SLC4A10: variants seen among roughly 807,000 people sequenced by gnomAD.
SLC4A10 encodes the protein solute carrier family 4 member 10.
A neutral mutation model predicts 137.7 loss-of-function variants in SLC4A10; 42 were observed. The ratio of observed to expected loss-of-function variants is 0.30; its 90% CI spans 0.24 to 0.39. The LOEUF is 0.39. Among genes scored for constraint, SLC4A10 ranks in the 10% least tolerant of loss-of-function variants. SLC4A10 has a pLI of 1.00. For synonymous variants in SLC4A10, 474 were observed against 464.1 expected (o/e 1.02, Z -0.27); for missense variants, 925 against 1,355.0 (o/e 0.68, Z 4.98).
chr2:161,941,404 T>C (rs1305355872), intron 15 of SLC4A10, among the ~76,000 whole-genome samples: 1 of 152,150 alleles, frequency 6.6e-6, no homozygotes, highest in East Asian at 1.9e-4. Flanking sequence ...TGGTTTAGCA[T>C]ACATATTCAA....
intron 12 of SLC4A10, among the ~76,000 whole-genome samples, chr2:161,901,725 T>G (rs1012669741): frequency 2.0e-5 from 3 of 152,110 alleles, no homozygotes; most frequent in African/African-American, 7.2e-5. Context: ...AAGCTGACTT[T>G]CCAGTTCCTG....
At chr2:161,917,920 TAAAAATCGAACTGAGACTC>T (rs1303858344) in intron 15 of SLC4A10, among the ~76,000 whole-genome samples, 1 of 152,176 alleles carries the variant, frequency 6.6e-6, no homozygotes, top group Non-Finnish European at 1.5e-5. Flanking sequence ...TACTCAGAGC[TAAAAATCGAACTGAGACTC>T]AGAAAGCTTT....
intron 19 of SLC4A10, among the ~76,000 whole-genome samples, chr2:161,955,002 C>T (rs1279266820): frequency 2.0e-5 from 3 of 152,168 alleles, no homozygotes; most frequent in Non-Finnish European, 4.4e-5. Context: ...GGCCCCCTGT[C>T]TTCTGCCCTC....
intron 15 of SLC4A10, among the ~76,000 whole-genome samples, chr2:161,936,955 A>G (rs1691687443): frequency 6.6e-6 from 1 of 152,084 alleles, no homozygotes; most frequent in African/African-American, 2.4e-5. Context: ...TTTTTGATGT[A>G]AGTGTTTATT....
At chr2:161,763,904 GATAA>G (rs2050527453) in intron 1 of SLC4A10, among the ~76,000 whole-genome samples, 1 of 152,114 alleles carries the variant, frequency 6.6e-6, no homozygotes, top group Non-Finnish European at 1.5e-5. Context: ...AAAATGATAT[GATAA>G]ATAAAGCAGG....
At chr2:161,827,012 T>C (rs960457831) in intron 3 of SLC4A10, among the ~76,000 whole-genome samples, 13 of 152,226 alleles carry the variant, frequency 8.5e-5, no homozygotes, top group African/African-American at 3.1e-4. Flanking sequence ...AGGCTTTTTT[T>C]CTGTTTATAT....
rs1438038182 is a variant in SLC4A10, at chr2:161,940,891, C to T, written c.1998-1901C>T. 3.3e-5 allele frequency among the ~76,000 whole-genome samples: 5 copies of T among 152,016 alleles called. No individual in the cohort carries two copies. In the East Asian group the frequency reaches 5.8e-4, roughly 18 times the overall value. ...GGCTGAGGTGGGAGGATTACTTGAG[C>T]GCAGGAGTTTGAGATTAGCCTGGGC... On this transcript the variant is annotated intron_variant, in intron 15 of 26. Transcript: ENST00000446997.
intron 1 of SLC4A10, among the ~76,000 whole-genome samples, chr2:161,742,107 C>T (rs2047954906): frequency 6.6e-6 from 1 of 152,176 alleles, no homozygotes; most frequent in Non-Finnish European, 1.5e-5. Flanking sequence ...GCTTATTTCA[C>T]TTAACAATGT....
chr2:161,918,669 T>A (rs1687571064), intron 15 of SLC4A10, among the ~76,000 whole-genome samples: 1 of 152,160 alleles, frequency 6.6e-6, no homozygotes, highest in East Asian at 1.9e-4. Flanking sequence ...TTTTTCTGCA[T>A]CACATTGAAG....
At chr2:161,877,787 A>G (rs560762278) in intron 8 of SLC4A10, among the ~76,000 whole-genome samples, 4 of 152,154 alleles carry the variant, frequency 2.6e-5, no homozygotes, top group Admixed American at 2.6e-4. Context: ...TTTTATAGGC[A>G]GTTTTGCTTT....
intron 3 of SLC4A10, among the ~76,000 whole-genome samples, chr2:161,815,131 G>T (rs921935202): frequency 1.3e-5 from 2 of 152,072 alleles, no homozygotes; most frequent in African/African-American, 2.4e-5. Flanking sequence ...GACCTCTTGA[G>T]TCAGGACCTG....
chr2:161,740,916 G>A (rs974583611), intron 1 of SLC4A10, among the ~76,000 whole-genome samples: 3 of 151,964 alleles, frequency 2.0e-5, no homozygotes, highest in Admixed American at 6.6e-5. Context: ...TGCTTACTAC[G>A]GTCAAGCAAA....
intron 1 of SLC4A10, among the ~76,000 whole-genome samples, chr2:161,733,824 T>C (rs1055445409): frequency 6.6e-6 from 1 of 152,184 alleles, no homozygotes; most frequent in Non-Finnish European, 1.5e-5. Flanking sequence ...TGCCCAAGAC[T>C]ATGGGAACCT....
At chr2:161,751,049 C>T (rs186185195) in intron 1 of SLC4A10, among the ~76,000 whole-genome samples, 17 of 151,900 alleles carry the variant, frequency 1.1e-4, no homozygotes, top group Middle Eastern at 3.4e-3. Context: ...TTTCCTTTGG[C>T]TACCATTTGC....
intron 1 of SLC4A10, among the ~76,000 whole-genome samples, chr2:161,754,105 G>A (rs931403648): frequency 6.6e-6 from 1 of 151,802 alleles, no homozygotes; most frequent in African/African-American, 2.4e-5. Context: ...TGGCCCCGGG[G>A]TTTGGCTAGG....
intron 16 of SLC4A10, 64 bp downstream of exon 16, chr2:161,942,961 T>C (rs1692998263): frequency 7.6e-7 from 1 of 1,318,954 alleles, no homozygotes; most frequent in Non-Finnish European, 1.1e-6. Context: ...GACTCAATTA[T>C]TGCCATTACA....
rs764780125 is a variant in SLC4A10, at chr2:161,839,946, G to C, written c.416+19G>C. The C allele has an allele frequency of 3.7e-6, 6 of 1,613,192 alleles. No homozygotes were observed. The stretch of plus-strand genomic sequence containing the variant: ...CAGCCAGGTGAGGATTTTTGTTAAA[G>C]GGTGAAGGTATACTAAAGAATTTTC... On this transcript the variant is annotated intron_variant, in intron 4 of 26. Coordinates refer to ENST00000446997, the MANE Select transcript of SLC4A10 (RefSeq NM_001178015.2).
At chr2:161,826,365 A>G (rs559273294) in intron 3 of SLC4A10, among the ~76,000 whole-genome samples, 17 of 152,322 alleles carry the variant, frequency 1.1e-4, no homozygotes, top group Admixed American at 1.0e-3. Context: ...ATGTCATAGT[A>G]ACCAAGGCTT....
At chr2:161,699,170 C>G (rs993910269) in intron 1 of SLC4A10, among the ~76,000 whole-genome samples, 1 of 152,154 alleles carries the variant, frequency 6.6e-6, no homozygotes, top group African/African-American at 2.4e-5. Flanking sequence ...CAGGTGCCGC[C>G]ACCATGCCTG....
Sources: gnomAD v4.1 joint callset for allele counts (sites outside exome capture counted in the v4.1 genomes callset) on GRCh38, gnomAD v4.1.1 for gene constraint, MANE v1.5 for transcripts, NCBI Gene and HGNC (gene_info 2026-07-23, HGNC 2026-07-21) for gene names.